Variants in TOR4A observed in about 807,000 individuals in gnomAD.
TOR4A encodes the protein torsin family 4 member A.
A neutral mutation model predicts 11.5 loss-of-function variants in TOR4A; 12 were observed. The ratio of observed to expected loss-of-function variants is 1.04; its 90% CI spans 0.67 to 1.69. The LOEUF is 1.69. TOR4A is among the 40% of genes most tolerant of loss of function. The pLI, the probability that TOR4A is intolerant of heterozygous loss-of-function variation, is 0.00. For missense variants in TOR4A, 640 were observed against 643.2 expected (o/e 0.99, Z 0.05); for synonymous variants, 362 against 307.4 (o/e 1.18, Z -1.86).
In TOR4A at chr9:137,279,664, C is replaced by G. The variant is rs1422105091; in HGVS notation, c.975C>G (p.Gly325=). The change falls in exon 2 of 2, where the codon GGC becomes GGG. Residue 325 remains glycine (G), a synonymous_variant. Coordinates refer to ENST00000357503, the MANE Select transcript of TOR4A (RefSeq NM_017723.3). ...GCGCGCTGCCCCTGCGCCCCGACGG[C>G]TTCCGCAGTGCCGAGGCCGCAGCGG... The part of the protein sequence containing the change: ...ASRALPLRPD[G]FRSAEAAAAQ... 1.3e-6 allele frequency: 2 copies of G among 1,566,058 alleles called. No homozygotes were observed. The highest frequency in any genetic ancestry group is 4.6e-5 in the East Asian group (2 of 43,278).
intron 1 of TOR4A, 24 bp from the exon 2 acceptor site, chr9:137,278,629 A>G: frequency 8.0e-7 from 1 of 1,244,210 alleles, no homozygotes; most frequent in Non-Finnish European, 1.0e-6. Flanking sequence ...GAGTCCAGAG[A>G]CCCTCCCCGT....
Position 137,279,420 on chromosome 9 carries a change from C to A in TOR4A, c.731C>A (p.Ala244Glu), listed in dbSNP as rs1369515638. 1.3e-6 allele frequency: 2 copies of A among 1,534,352 alleles called. No individual in the cohort carries two copies. The highest frequency in any genetic ancestry group is 8.8e-7 in the Non-Finnish European group (1 of 1,141,104). Reference protein sequence around the residue: ...RAAQDCREELARRVADVVARA... With the variant: ...RAAQDCREELERRVADVVARA... ...GCACAGGACTGCCGCGAGGAGCTGG[C>A]GCGGCGCGTGGCCGACGTGGTGGCG... Residue 244 changes from alanine (A) to glutamate (E), a missense_variant, in exon 2 of 2, where the codon GCG (alanine) becomes GAG (glutamate). Coordinates refer to ENST00000357503, the MANE Select transcript of TOR4A (RefSeq NM_017723.3).
In TOR4A at chr9:137,279,016, T is replaced by C. The variant is rs1830679645; in HGVS notation, c.327T>C (p.Tyr109=). 1.2e-6 allele frequency: 2 copies of C among 1,605,128 alleles called. No homozygotes were observed. The highest frequency in any genetic ancestry group is 1.7e-6 in the Non-Finnish European group (2 of 1,176,752). Residue 109 remains tyrosine (Y), a synonymous_variant, in exon 2 of 2, where the codon TAT becomes TAC. Coordinates refer to ENST00000357503, the MANE Select transcript of TOR4A (RefSeq NM_017723.3). ...LVLYPETSRK[Y]RPRVEHRSRA... ...TTTACCCGGAGACCTCGCGCAAGTA[T>C]CGGCCGCGCGTGGAGCACAGGAGCC...
At position 137,278,790 on chromosome 9, in the gene TOR4A, G is replaced by C. The variant is rs759994822; in HGVS notation, c.101G>C (p.Arg34Pro). The change falls in exon 2 of 2, where the codon CGC (arginine) becomes CCC (proline). Residue 34 changes from arginine (R) to proline (P), a missense_variant. By Grantham distance (103) the Arg-to-Pro change is moderately radical. Transcript: ENST00000357503. ...GTGCGCGCTGTGCTCCGCCTGCGCC[G>C]CCGGGTGTGTGTCCTACGCAAACGG... ...APVRAVLRLR[R>P]RVCVLRKRRL... 3 of 1,451,732 alleles carry C rather than the reference G, an allele frequency of 2.1e-6. No homozygotes were observed. In the South Asian group the frequency reaches 4.2e-5, roughly 20 times the overall value. 89.9% of individuals were successfully genotyped at this position (1,451,732 alleles called of 1,614,324 possible).
rs531608698 is a variant in TOR4A at position 137,279,382 on chromosome 9, C to G, written c.693C>G (p.Pro231=). The change falls in exon 2 of 2, where the codon CCC becomes CCG. Residue 231 remains proline (P), a synonymous_variant. Transcript: ENST00000357503. The stretch of plus-strand genomic sequence containing the variant: ...AATACCATGCGCGGCACCACTGCCC[C>G]GAGGCGCGCGCCGCACAGGACTGCC... The part of the protein sequence containing the change: ...VLQYHARHHC[P]EARAAQDCRE... 2.0e-6 allele frequency: 3 copies of G among 1,520,634 alleles called. No individual in the cohort carries two copies. In the South Asian group the frequency reaches 3.7e-5, roughly 19 times the overall value. The allele number at this position is 1,520,634 out of a possible 1,614,324, so 94.2% of individuals were successfully genotyped here.
In TOR4A at chr9:137,280,137, C is replaced by T; in HGVS notation, c.*176C>T. 1 of 750,146 alleles carries T rather than the reference C, an allele frequency of 1.3e-6. No homozygotes were observed. Among genetic ancestry groups the T allele is most frequent in the Non-Finnish European group, 2.2e-6 (1 of 463,696 alleles). The allele number at this position is 750,146 out of a possible 1,614,324, so 46.5% of individuals were successfully genotyped here. On this transcript the variant is annotated 3_prime_UTR_variant, in exon 2 of 2. Transcript: ENST00000357503. The stretch of plus-strand genomic sequence containing the variant: ...CCACACCCGCCTCAGAGTCCGGAGT[C>T]TGTCCCTGGGGGCGGCAGGACAGCA...
In TOR4A at chr9:137,278,955, C is replaced by T. The variant is rs544448201; in HGVS notation, c.266C>T (p.Thr89Met). ...FDSPAELPSR[T>M]PRKKRRRSRL... ...AGCCCCGCGGAGCTACCCTCCAGGA[C>T]GCCACGCAAGAAGCGCCGGCGCAGC... The change falls in exon 2 of 2, where the codon ACG becomes ATG. Residue 89 changes from threonine (T) to methionine (M), a missense_variant. Transcript: ENST00000357503. 3 of 1,604,198 alleles carry T rather than the reference C, an allele frequency of 1.9e-6. No individual in the cohort carries two copies. Among genetic ancestry groups the T allele is most frequent in the African/African-American group, 2.7e-5 (2 of 74,914 alleles).
rs1830717544 is a variant in TOR4A at position 137,281,427 on chromosome 9, T to TCCTGCGGCTTCCCGGAGGG, written c.*1467_*1485dup. On this transcript the variant is annotated 3_prime_UTR_variant, in exon 2 of 2. Coordinates refer to ENST00000357503, the MANE Select transcript of TOR4A (RefSeq NM_017723.3). Reference sequence around the variant, plus strand: ...GCCCCGCTAGTTCCCTGAGCAGAGGTCCTGCGGCTTCCCGGAGGGTGTCCT... The same window carrying TCCTGCGGCTTCCCGGAGGG: ...GCCCCGCTAGTTCCCTGAGCAGAGGTCCTGCGGCTTCCCGGAGGGCCTGCGGCTTCCCGGAGGGTGTCCT... 1 of 158,496 alleles carries TCCTGCGGCTTCCCGGAGGG rather than the reference T, an allele frequency of 6.3e-6. No individual in the cohort carries two copies. The highest frequency in any genetic ancestry group is 2.4e-5 in the African/African-American group (1 of 41,406). 9.8% of individuals were successfully genotyped at this position (158,496 alleles called of 1,614,324 possible).
In TOR4A at chr9:137,278,635, C is replaced by T; in HGVS notation, c.-37-18C>T. 1.6e-6 allele frequency: 2 copies of T among 1,268,324 alleles called. No individual in the cohort carries two copies. Among genetic ancestry groups the T allele is most frequent in the Non-Finnish European group, 1.0e-6 (1 of 1,004,170 alleles). The allele number at this position is 1,268,324 out of a possible 1,614,324, so 78.6% of individuals were successfully genotyped here. On this transcript the variant is annotated intron_variant, in intron 1 of 1. Transcript: ENST00000357503. Reference sequence around the variant, plus strand: ...CAGTGGCGGGAGTCCAGAGACCCTCCCCGTCTTCCCGTTGCAGGGAGGGCG... The same window carrying T: ...CAGTGGCGGGAGTCCAGAGACCCTCTCCGTCTTCCCGTTGCAGGGAGGGCG...
In TOR4A at chr9:137,278,997, C is replaced by G; in HGVS notation, c.308C>G (p.Pro103Arg). 1.2e-6 allele frequency: 2 copies of G among 1,606,544 alleles called. No homozygotes were observed. Among genetic ancestry groups the G allele is most frequent in the Non-Finnish European group, 1.7e-6 (2 of 1,177,502 alleles). The change falls in exon 2 of 2, where the codon CCG becomes CGG. Residue 103 changes from proline (P) to arginine (R), a missense_variant. Coordinates refer to ENST00000357503, the MANE Select transcript of TOR4A (RefSeq NM_017723.3). Reference protein sequence around the residue: ...KRRRSRLVLYPETSRKYRPRV... With the variant: ...KRRRSRLVLYRETSRKYRPRV... ...CGGCGCAGCCGCCTGGTGCTTTACC[C>G]GGAGACCTCGCGCAAGTATCGGCCG...
At position 137,279,748 on chromosome 9, in the gene TOR4A, G is replaced by A. The variant is rs377037019; in HGVS notation, c.1059G>A (p.Pro353=). ...TGGCTGTGCTGTCCCGGGAGCATCC[G>A]CTGTGGCAGGCCGCGGCCATCGTGC... ...SLLAVLSREH[P]LWQAAAIVPF... is the part of the protein sequence containing the mutation. The change falls in exon 2 of 2, where the codon CCG becomes CCA. Residue 353 remains proline, a synonymous_variant. Coordinates refer to ENST00000357503, the MANE Select transcript of TOR4A (RefSeq NM_017723.3). 4.2e-4 allele frequency: 657 copies of A among 1,582,170 alleles called. 2 individuals are homozygous for A. Among genetic ancestry groups the A allele is most frequent in the Non-Finnish European group, 9.2e-5 (108 of 1,172,014 alleles).
rs1830708622 is a variant in TOR4A, at chr9:137,280,811, C to T, written c.*850C>T. ...GCCCTCCCCACGCCAGTCGACCCCA[C>T]ACCCCACACTCCCCACGCGCCGCCT... On this transcript the variant is annotated 3_prime_UTR_variant, in exon 2 of 2. Transcript: ENST00000357503. The T allele has an allele frequency of 6.0e-6, 1 of 167,218 alleles. No homozygotes were observed. Among genetic ancestry groups the T allele is most frequent in the South Asian group, 2.1e-4 (1 of 4,838 alleles). The allele number at this position is 167,218 out of a possible 1,614,324, so 10.4% of individuals were successfully genotyped here.
Position 137,279,501 on chromosome 9 carries a change from T to C in TOR4A, c.812T>C (p.Met271Thr). The C allele has an allele frequency of 1.3e-6, 2 of 1,574,790 alleles. No homozygotes were observed. The highest frequency in any genetic ancestry group is 1.7e-6 in the Non-Finnish European group (2 of 1,162,686). The change falls in exon 2 of 2, where the codon ATG (methionine) becomes ACG (threonine). Residue 271 changes from methionine (M) to threonine (T), a missense_variant. Met to Thr is a moderately conservative substitution (Grantham distance 81). Coordinates refer to ENST00000357503, the MANE Select transcript of TOR4A (RefSeq NM_017723.3). ...PLLVLDDVEL[M>T]PRPLLDELHG... ...TTGGTGCTGGACGACGTGGAGCTCA[T>C]GCCGCGGCCGCTGCTGGACGAGCTG...
chr9:137,278,881 C>G lies in TOR4A; in HGVS notation c.192C>G (p.Pro64=). 6.5e-7 allele frequency: 1 copy of G among 1,543,024 alleles called. No individual in the cohort carries two copies. ...GTGAPRPGCS[P]RAPRADLDQP... ...GGGCGCCCAGGCCGGGCTGCAGCCCCCGGGCACCGCGCGCGGACCTGGACC... is the reference window on the plus strand; with the variant it reads ...GGGCGCCCAGGCCGGGCTGCAGCCCGCGGGCACCGCGCGCGGACCTGGACC... Residue 64 remains proline (P), a synonymous_variant, in exon 2 of 2, where the codon CCC becomes CCG. Transcript: ENST00000357503.
chr9:137,278,755 G>A lies in TOR4A; in HGVS notation c.66G>A (p.Val22=), dbSNP rs1422760577. 2.1e-6 allele frequency: 3 copies of A among 1,408,064 alleles called. No individual in the cohort carries two copies. Among genetic ancestry groups the A allele is most frequent in the Non-Finnish European group, 2.8e-6 (3 of 1,090,146 alleles). 87.2% of individuals were successfully genotyped at this position (1,408,064 alleles called of 1,614,324 possible). The part of the protein sequence containing the change: ...AAAPRASGRC[V]IAPVRAVLRL... ...CCCCCCGAGCCTCGGGCCGGTGCGT[G>A]ATCGCGCCCGTGCGCGCTGTGCTCC... The change falls in exon 2 of 2, where the codon GTG becomes GTA. Residue 22 remains valine, a synonymous_variant. Coordinates refer to ENST00000357503, the MANE Select transcript of TOR4A (RefSeq NM_017723.3).
At chr9:137,278,365 A>G (rs1279499919) in intron 1 of TOR4A, among the ~76,000 whole-genome samples, 8 of 151,980 alleles carry the variant, frequency 5.3e-5, no homozygotes, top group Non-Finnish European at 1.2e-4. Context: ...CGGGGCGGCC[A>G]CCAGATAAGC....
Position 137,279,010 on chromosome 9 carries a change from C to G in TOR4A, c.321C>G (p.Arg107=). The change falls in exon 2 of 2, where the codon CGC becomes CGG. Residue 107 remains arginine, a synonymous_variant. Transcript: ENST00000357503. ...TGGTGCTTTACCCGGAGACCTCGCG[C>G]AAGTATCGGCCGCGCGTGGAGCACA... ...SRLVLYPETS[R]KYRPRVEHRS... is the part of the protein sequence containing the mutation. 1 of 1,606,136 alleles carries G rather than the reference C, an allele frequency of 6.2e-7. No individual in the cohort carries two copies. Among genetic ancestry groups the G allele is most frequent in the South Asian group, 1.1e-5 (1 of 89,826 alleles).
rs754143987 is a variant in TOR4A, at chr9:137,279,856, C to G, written c.1167C>G (p.Ala389=). The part of the protein sequence containing the change: ...MAGEGFFPDQ[A]RAENLAAQLS... ...GTGAGGGCTTCTTTCCTGACCAGGC[C>G]CGCGCGGAGAACCTGGCCGCGCAGC... is the stretch of plus-strand genomic sequence containing the variant. Residue 389 remains alanine, a synonymous_variant, in exon 2 of 2, where the codon GCC becomes GCG. Transcript: ENST00000357503. The G allele has an allele frequency of 2.4e-5, 38 of 1,590,068 alleles. No homozygotes were observed. The highest frequency in any genetic ancestry group is 3.2e-5 in the Non-Finnish European group (38 of 1,172,028).
At position 137,279,002 on chromosome 9, in the gene TOR4A, A is replaced by G. The variant is rs76217292; in HGVS notation, c.313A>G (p.Thr105Ala). Residue 105 changes from threonine (T) to alanine (A), a missense_variant, in exon 2 of 2, where the codon ACC (threonine) becomes GCC (alanine). Coordinates refer to ENST00000357503, the MANE Select transcript of TOR4A (RefSeq NM_017723.3). ...RRSRLVLYPE[T>A]SRKYRPRVEH... ...CAGCCGCCTGGTGCTTTACCCGGAG[A>G]CCTCGCGCAAGTATCGGCCGCGCGT... The G allele has an allele frequency of 3.1e-4, 504 of 1,606,744 alleles. 5 individuals are homozygous for G. In the East Asian group the frequency reaches 0.01, roughly 33 times the overall value.
Sources: gnomAD v4.1 joint callset for allele counts (sites outside exome capture counted in the v4.1 genomes callset) on GRCh38, gnomAD v4.1.1 for gene constraint, MANE v1.5 for transcripts, NCBI Gene and HGNC (gene_info 2026-07-23, HGNC 2026-07-21) for gene names.